The following TANC1 variants were observed in gnomAD, a reference collection of about 807,000 sequenced individuals.
The protein encoded by TANC1 is protein TANC1.
In TANC1, 77 loss-of-function variants were observed where a neutral mutation model predicts 149.7. The ratio of observed to expected loss-of-function variants is 0.51; its 90% confidence interval spans 0.43 to 0.62. TANC1 has a LOEUF of 0.62. TANC1 is among the 20% of genes least tolerant of loss of function. TANC1 has a pLI of 0.00. For synonymous variants in TANC1, 854 were observed against 925.0 expected (o/e 0.92, Z 1.39); for missense variants, 1,985 against 2,321.8 (o/e 0.85, Z 2.98).
intron 1 of TANC1, among the ~76,000 whole-genome samples, chr2:158,975,757 G>A (rs1026347084): frequency 2.2e-4 from 34 of 151,542 alleles, no homozygotes; most frequent in African/African-American, 8.0e-4. Flanking sequence ...TTTAGCTGCT[G>A]ATTAGCCAGC....
chr2:159,061,391 AC>A (rs899178970), intron 2 of TANC1, among the ~76,000 whole-genome samples: 44 of 152,290 alleles, frequency 2.9e-4, no homozygotes, highest in African/African-American at 1.0e-3. Context: ...GAATTCTCTG[AC>A]CTATCTCACC....
intron 16 of TANC1, among the ~76,000 whole-genome samples, chr2:159,187,677 C>T (rs1035034335): frequency 4.6e-5 from 7 of 152,172 alleles, no homozygotes; most frequent in Admixed American, 1.3e-4. Flanking sequence ...CTTTCAGCTT[C>T]AGGCCCTGAT....
chr2:158,998,605 A>T (rs892866770), intron 1 of TANC1, among the ~76,000 whole-genome samples: 1 of 152,150 alleles, frequency 6.6e-6, no homozygotes, highest in Non-Finnish European at 1.5e-5. Context: ...GTGAGCACAG[A>T]TGTGTGTGAT....
chr2:159,020,588 AAG>A (rs1469873030), intron 2 of TANC1, among the ~76,000 whole-genome samples: 1 of 152,244 alleles, frequency 6.6e-6, no homozygotes, highest in Admixed American at 6.5e-5. Flanking sequence ...CCACTGTGTG[AAG>A]AGTTTTACAT....
chr2:159,171,883 A>AAAAAG (rs1553599479), intron 10 of TANC1, among the ~76,000 whole-genome samples: 28,854 of 127,320 alleles, frequency 0.23, 5,709 homozygotes, highest in Non-Finnish European at 0.35. Flanking sequence ...AAAGAAAAAG[A>AAAAAG]AAAAAAAAAT....
intron 3 of TANC1, among the ~76,000 whole-genome samples, chr2:159,079,951 A>C (rs1435244549): frequency 6.6e-6 from 1 of 152,176 alleles, no homozygotes; most frequent in African/African-American, 2.4e-5. Flanking sequence ...AGTTTAACGA[A>C]TTTTTAAATG....
chr2:159,140,282 C>A (rs2051217420), intron 5 of TANC1, among the ~76,000 whole-genome samples: 2 of 151,838 alleles, frequency 1.3e-5, no homozygotes, highest in Non-Finnish European at 2.9e-5. Flanking sequence ...TGTTTTATTT[C>A]TTAAAACCCT....
chr2:159,143,473 T>TAA (rs2051668004), intron 5 of TANC1, among the ~76,000 whole-genome samples: 2 of 135,090 alleles, frequency 1.5e-5, no homozygotes, highest in South Asian at 4.8e-4. Context: ...TTCCAGCACT[T>TAA]GGGGAGGCTG....
At chr2:159,223,161 T>C (rs1405163824) in intron 22 of TANC1, among the ~76,000 whole-genome samples, 4 of 152,194 alleles carry the variant, frequency 2.6e-5, no homozygotes, top group Admixed American at 6.5e-5. Flanking sequence ...TGCCTCGGCC[T>C]CCCAAAGTGC....
In TANC1 at chr2:159,103,438, C is replaced by T. The variant is rs577802596; in HGVS notation, c.259+5604C>T. On this transcript the variant is annotated intron_variant, in intron 4 of 26. Transcript: ENST00000263635. ...CAGCTTAAATGGATGGTGCTTTGTG[C>T]GGCCTAACTGTGGACTACTGACAAT... is the stretch of plus-strand genomic sequence containing the variant. Among the ~76,000 whole-genome samples the T allele has an allele frequency of 3.2e-3, 312 of 96,364 alleles. 72 individuals are homozygous for T. Among genetic ancestry groups the T allele is most frequent in the African/African-American group, 8.6e-3 (301 of 34,842 alleles). 63.2% of individuals were successfully genotyped at this position (96,364 alleles called of 152,430 possible).
At chr2:158,993,028 A>C (rs1433034577) in intron 1 of TANC1, among the ~76,000 whole-genome samples, 5 of 152,112 alleles carry the variant, frequency 3.3e-5, no homozygotes, top group African/African-American at 4.8e-5. Context: ...CCTCTTTGTC[A>C]TTAGAATCAG....
intron 1 of TANC1, among the ~76,000 whole-genome samples, chr2:158,969,769 A>G (rs2032563716): frequency 6.6e-6 from 1 of 152,252 alleles, no homozygotes; most frequent in South Asian, 2.1e-4. Flanking sequence ...TTGGCCAGGT[A>G]GAAACGCGGC....
chr2:159,023,554 C>G (rs2039004453), intron 2 of TANC1, among the ~76,000 whole-genome samples: 1 of 152,010 alleles, frequency 6.6e-6, no homozygotes, highest in African/African-American at 2.4e-5. Context: ...TCTGCCCAGG[C>G]TGTTCTCAAA....
chr2:159,173,026 C>T (rs574327254), intron 11 of TANC1, among the ~76,000 whole-genome samples: 4 of 152,220 alleles, frequency 2.6e-5, no homozygotes, highest in East Asian at 1.9e-4. Flanking sequence ...CTGCTCTTGG[C>T]GCCATCACCC....
chr2:159,217,613 C>T lies in TANC1; in HGVS notation c.3361C>T (p.Arg1121Cys), dbSNP rs755038873. Residue 1121 changes from arginine to cysteine, a missense_variant, in exon 20 of 27, where the codon CGC becomes TGC. Coordinates refer to ENST00000263635, the MANE Select transcript of TANC1 (RefSeq NM_033394.3). ...GGTTCCACCTTTGTTTTGTGCAGCA[C>T]GCCAGGGGCATTGGCAGGTACCCAG... is the stretch of plus-strand genomic sequence containing the variant. ...RGVPPLFCAA[R>C]QGHWQIVRLL... is the part of the protein sequence containing the mutation. The T allele has an allele frequency of 1.1e-5, 18 of 1,614,010 alleles. No individual in the cohort carries two copies. Among genetic ancestry groups the T allele is most frequent in the African/African-American group, 1.3e-5 (1 of 74,930 alleles).
chr2:159,227,690 T>G, intron 24 of TANC1, 129 bp from the exon 25 acceptor site: 1 of 1,019,392 alleles, frequency 9.8e-7, no homozygotes, highest in Admixed American at 2.7e-5. Flanking sequence ...TGACACTTGT[T>G]TGGATGCTTT....
chr2:158,989,609 C>CAAAAAAAAAAAA (rs35891573), intron 1 of TANC1, among the ~76,000 whole-genome samples: 1 of 87,586 alleles, frequency 1.1e-5, no homozygotes, highest in Non-Finnish European at 2.4e-5. Flanking sequence ...GACTCAGTCT[C>CAAAAAAAAAAAA]AAAAAAAAAA....
At chr2:159,132,677 T>A (rs896968273) in intron 4 of TANC1, among the ~76,000 whole-genome samples, 14 of 129,354 alleles carry the variant, frequency 1.1e-4, no homozygotes, top group African/African-American at 2.0e-4. Context: ...TTTTTTTTTT[T>A]AAGTAGAGAT....
chr2:159,036,728 A>T (rs1448755964), intron 2 of TANC1, among the ~76,000 whole-genome samples: 1 of 152,180 alleles, frequency 6.6e-6, no homozygotes, highest in East Asian at 1.9e-4. Flanking sequence ...CATGGTGTAT[A>T]TGTGGCACAT....
Sources: gnomAD v4.1 joint callset for allele counts (sites outside exome capture counted in the v4.1 genomes callset) on GRCh38, gnomAD v4.1.1 for gene constraint, MANE v1.5 for transcripts, NCBI Gene and HGNC (gene_info 2026-07-23, HGNC 2026-07-21) for gene names.